The following ANK3 variants were observed in gnomAD, a reference collection of about 807,000 sequenced individuals.
The protein encoded by ANK3 is ankyrin 3, also known as ankyrin-3.
Under a neutral mutation model 370.9 loss-of-function variants are expected in ANK3, and 57 were observed. The observed-to-expected ratio is 0.15, with a 90% CI of 0.12 to 0.19. ANK3 has a LOEUF of 0.19. Among genes scored for constraint, ANK3 ranks in the 10% least tolerant of loss-of-function variants. The pLI is 1.00. For synonymous variants in ANK3, 1,929 were observed against 1,946.3 expected, an observed-to-expected ratio of 0.99 and a Z score of 0.23; for missense variants, 4,439 against 5,302.1, an observed-to-expected ratio of 0.84 and a Z score of 5.06.
chr10:60,509,232 C>T (rs904699640), intron 2 of ANK3, among the ~76,000 whole-genome samples: 1 of 151,938 alleles, frequency 6.6e-6, no homozygotes, highest in Non-Finnish European at 1.5e-5. Flanking sequence ...TAGTGAAGCA[C>T]CAAGGACATA....
chr10:60,583,346 G>A (rs1435831625), intron 2 of ANK3, among the ~76,000 whole-genome samples: 2 of 152,024 alleles, frequency 1.3e-5, no homozygotes, highest in Non-Finnish European at 2.9e-5. Flanking sequence ...TGGTTACCAG[G>A]GATAGGGAAG....
chr10:60,580,745 C>A (rs2077739522), intron 2 of ANK3, among the ~76,000 whole-genome samples: 1 of 152,132 alleles, frequency 6.6e-6, no homozygotes, highest in African/African-American at 2.4e-5. Flanking sequence ...TAAAGATATG[C>A]TCACTCAGAA....
At position 60,072,025 on chromosome 10, in the gene ANK3, G is replaced by T; in HGVS notation, c.8856C>A (p.Ser2952Arg). Residue 2952 changes from serine (S) to arginine (R), a missense_variant, in exon 37 of 44, where the codon AGC (serine) becomes AGA (arginine). Transcript: ENST00000280772. ...GGLLDQPSRR[S>R]ESSAVSHIPV... ...GAATGTGTGACACTGCTGAGCTCTC[G>T]CTCCTCCTGGAAGGCTGATCAAGCA... 1 of 1,614,030 alleles carries T rather than the reference G, an allele frequency of 6.2e-7. No homozygotes were observed. The highest frequency in any genetic ancestry group is 8.5e-7 in the Non-Finnish European group (1 of 1,179,988).
chr10:60,089,487 GTGTGTGTGTGTGTGTGTGTGTA>G (rs1175884271), intron 28 of ANK3, among the ~76,000 whole-genome samples: 1 of 150,976 alleles, frequency 6.6e-6, no homozygotes, highest in African/African-American at 2.4e-5. Flanking sequence ...GTGTGTGTGT[GTGTGTGTGTGTGTGTGTGTGTA>G]TGTATGTGTG....
intron 7 of ANK3, among the ~76,000 whole-genome samples, chr10:60,242,531 C>T (rs184110500): frequency 1.3e-5 from 2 of 152,220 alleles, no homozygotes; most frequent in African/African-American, 4.8e-5. Context: ...TCAGTCCTGT[C>T]CTTAGCATAT....
chr10:60,132,456 C>A lies in ANK3; in HGVS notation c.2841+1815G>T, dbSNP rs145728620. On this transcript the variant is annotated intron_variant, in intron 25 of 43. Coordinates refer to ENST00000280772, the MANE Select transcript of ANK3 (RefSeq NM_020987.5). ...TTACCCTGCACAAATTCTCTTCTTG[C>A]CTGCCACCATGTAAGATGTCTCTTT... 3.8e-3 allele frequency among the ~76,000 whole-genome samples: 559 copies of A among 148,756 alleles called. 7 individuals are homozygous for A. The highest frequency in any genetic ancestry group is 0.01 in the Middle Eastern group (3 of 292).
In ANK3 at chr10:60,034,648, C is replaced by G. The variant is rs76631789; in HGVS notation, c.*20-4822G>C. ...CTCCTTGAAAGTTCAGATTTCTTTC[C>G]CTAATGAAATCCACCTTTGTAGTTC... On this transcript the variant is annotated intron_variant, in intron 43 of 43. Transcript: ENST00000280772. Among the ~76,000 whole-genome samples, 792 of 152,168 alleles carry G rather than the reference C, an allele frequency of 5.2e-3. 22 individuals are homozygous for G. The highest frequency in any genetic ancestry group is 0.032 in the East Asian group (167 of 5,168).
chr10:60,109,917 A>C (rs1306189504), intron 26 of ANK3, among the ~76,000 whole-genome samples: 2 of 152,218 alleles, frequency 1.3e-5, no homozygotes, highest in African/African-American at 2.4e-5. Context: ...GAGTTATAAC[A>C]CAGTTATCGT....
chr10:60,191,685 A>T (rs1470488371), intron 16 of ANK3, among the ~76,000 whole-genome samples: 1 of 152,202 alleles, frequency 6.6e-6, no homozygotes, highest in Non-Finnish European at 1.5e-5. Context: ...TCAAAGAACT[A>T]AAAATAGAAC....
chr10:60,250,016 T>C (rs1289382245), intron 7 of ANK3, among the ~76,000 whole-genome samples: 1 of 152,260 alleles, frequency 6.6e-6, no homozygotes, highest in Non-Finnish European at 1.5e-5. Context: ...TATGATGGAC[T>C]ATACCTAAAT....
At chr10:60,410,786 A>G (rs922303944) in intron 2 of ANK3, among the ~76,000 whole-genome samples, 1 of 152,046 alleles carries the variant, frequency 6.6e-6, no homozygotes, top group Admixed American at 6.6e-5. Context: ...CTGTCTTAGC[A>G]TCCTGAGTAG....
chr10:60,574,631 A>C (rs535548679), intron 2 of ANK3, among the ~76,000 whole-genome samples: 1 of 152,338 alleles, frequency 6.6e-6, no homozygotes, highest in African/African-American at 2.4e-5. Context: ...AATCTGGGGA[A>C]CTGGCAGTAC....
chr10:60,236,396 G>T (rs780963434), intron 7 of ANK3, among the ~76,000 whole-genome samples: 5 of 150,178 alleles, frequency 3.3e-5, no homozygotes, highest in African/African-American at 1.3e-4. Flanking sequence ...TTGGAGGGTC[G>T]ACATATTGCA....
intron 7 of ANK3, among the ~76,000 whole-genome samples, chr10:60,243,101 T>C (rs976539160): frequency 6.6e-6 from 1 of 152,096 alleles, no homozygotes; most frequent in Non-Finnish European, 1.5e-5. Flanking sequence ...AGGACAGTGG[T>C]TAAGGGCTAG....
intron 2 of ANK3, among the ~76,000 whole-genome samples, chr10:60,520,872 G>A (rs374061902): frequency 4.0e-5 from 6 of 151,836 alleles, no homozygotes; most frequent in Non-Finnish European, 5.9e-5. Flanking sequence ...GACATGTTTC[G>A]AATTCTTTGA....
intron 18 of ANK3, among the ~76,000 whole-genome samples, chr10:60,174,581 C>A (rs980225719): frequency 6.6e-6 from 1 of 152,274 alleles, no homozygotes; most frequent in Admixed American, 6.5e-5. Context: ...AGAACTTCCC[C>A]TTACAAGTCA....
chr10:60,086,595 G>A (rs1458261057), intron 30 of ANK3, 82 bp downstream of exon 30: 1 of 1,253,708 alleles, frequency 8.0e-7, no homozygotes, highest in South Asian at 1.5e-5. Flanking sequence ...TATTTCAAAG[G>A]TTTTATATCT....
At chr10:60,158,816 C>G (rs1036501876) in intron 23 of ANK3, among the ~76,000 whole-genome samples, 1 of 151,518 alleles carries the variant, frequency 6.6e-6, no homozygotes, top group Non-Finnish European at 1.5e-5. Context: ...GCTGGGACTA[C>G]AGATGCATGC....
At chr10:60,044,981 C>A (rs754713179) in intron 42 of ANK3, among the ~76,000 whole-genome samples, 2 of 151,916 alleles carry the variant, frequency 1.3e-5, no homozygotes, top group Non-Finnish European at 2.9e-5. Context: ...ATCTTCATTG[C>A]CATAGGCAAA....
Sources: allele counts gnomAD v4.1 joint callset (sites outside exome capture counted in the v4.1 genomes callset), GRCh38; gene constraint gnomAD v4.1.1; transcripts MANE v1.5; gene names NCBI Gene and HGNC (gene_info 2026-07-23, HGNC 2026-07-21).